Variants in GNG4 observed in about 807,000 individuals in gnomAD.
The protein encoded by GNG4 is guanine nucleotide-binding protein G(I)/G(S)/G(O) subunit gamma-4.
GNG4 carries 4 observed loss-of-function variants against 5.8 expected under a neutral mutation model. The observed-to-expected ratio is 0.69, with a 90% confidence interval of 0.34 to 1.57. The LOEUF (loss-of-function observed/expected upper bound fraction) is 1.57, where lower values mean the gene tolerates loss of function less well. Ranked by LOEUF, GNG4 falls within the 40% of genes most tolerant of loss-of-function variation. GNG4 has a pLI of 0.06. For synonymous variants in GNG4, 29 were observed against 32.9 expected (o/e 0.88, Z 0.41); for missense variants, 96 against 95.1 (o/e 1.01, Z -0.04).
chr1:235,607,500 C>T (rs1277815727), intron 1 of GNG4, among the ~76,000 whole-genome samples: 1 of 152,142 alleles, frequency 6.6e-6, no homozygotes, highest in Non-Finnish European at 1.5e-5. Context: ...GGGAGGCAGC[C>T]GCCTACAGCG....
At chr1:235,597,065 C>T (rs1447015235) in intron 1 of GNG4, among the ~76,000 whole-genome samples, 1 of 152,108 alleles carries the variant, frequency 6.6e-6, no homozygotes, top group Admixed American at 6.6e-5. Context: ...CCATTCAAGA[C>T]TCATAGCCCT....
chr1:235,556,685 G>A (rs1686918338), intron 3 of GNG4, among the ~76,000 whole-genome samples: 1 of 152,054 alleles, frequency 6.6e-6, no homozygotes, highest in South Asian at 2.1e-4. Flanking sequence ...TGAACTGGGG[G>A]TGGGGGGATG....
intron 3 of GNG4, among the ~76,000 whole-genome samples, chr1:235,573,298 G>A (rs1687390193): frequency 7.0e-6 from 1 of 142,174 alleles, no homozygotes; most frequent in Non-Finnish European, 1.5e-5. Flanking sequence ...CACAGGATAG[G>A]GAACATCACA....
At chr1:235,602,709 G>C (rs1328995922) in intron 1 of GNG4, among the ~76,000 whole-genome samples, 1 of 152,172 alleles carries the variant, frequency 6.6e-6, no homozygotes, top group East Asian at 1.9e-4. Flanking sequence ...GTGAAACTGT[G>C]TTTATTTCTA....
chr1:235,630,637 AC>A (rs1688912517), intron 1 of GNG4, among the ~76,000 whole-genome samples: 1 of 152,188 alleles, frequency 6.6e-6, no homozygotes, highest in Non-Finnish European at 1.5e-5. Flanking sequence ...CCCAGGAATG[AC>A]CAGAAAGTCA....
At chr1:235,594,991 G>C (rs1688090085) in intron 2 of GNG4, among the ~76,000 whole-genome samples, 1 of 152,220 alleles carries the variant, frequency 6.6e-6, no homozygotes, top group Admixed American at 6.5e-5. Context: ...TAAACTGCGA[G>C]TGGGGAGGAA....
chr1:235,577,997 C>A (rs993670724), intron 3 of GNG4, among the ~76,000 whole-genome samples: 1 of 152,142 alleles, frequency 6.6e-6, no homozygotes, highest in Non-Finnish European at 1.5e-5. Context: ...GACAGCTCCC[C>A]TTTCTTTCCA....
intron 3 of GNG4, among the ~76,000 whole-genome samples, chr1:235,583,520 C>T (rs1218252737): frequency 6.6e-6 from 1 of 152,174 alleles, no homozygotes; most frequent in Admixed American, 6.5e-5. Flanking sequence ...TTGGAGACTC[C>T]TTATGGAATT....
intron 1 of GNG4, among the ~76,000 whole-genome samples, chr1:235,613,121 G>A (rs1319250448): frequency 5.3e-5 from 8 of 151,832 alleles, no homozygotes; most frequent in Non-Finnish European, 1.2e-4. Flanking sequence ...AGGGGTGGGG[G>A]GGTCACAAAC....
intron 3 of GNG4, chr1:235,566,206 A>G (rs531944628): frequency 6.6e-6 from 1 of 152,476 alleles, no homozygotes; most frequent in Admixed American, 6.5e-5. Context: ...ACAGTGCTCT[A>G]AACAGGGGTC....
At chr1:235,597,590 G>C (rs12137402) in intron 1 of GNG4, among the ~76,000 whole-genome samples, 8,563 of 24,472 alleles carry the variant, frequency 0.35, 1,154 homozygotes, top group African/African-American at 0.49. Context: ...CTTGTTTGCT[G>C]TGTGTGTGTG....
At chr1:235,585,178 A>T (rs937516521) in intron 2 of GNG4, among the ~76,000 whole-genome samples, 6 of 149,592 alleles carry the variant, frequency 4.0e-5, no homozygotes, top group Non-Finnish European at 5.9e-5. Flanking sequence ...GTTGGACTCC[A>T]GACTATTCTT....
Position 235,613,469 on chromosome 1 carries a change from T to C in GNG4, c.-122-17958A>G, listed in dbSNP as rs538804729. 4.6e-5 allele frequency among the ~76,000 whole-genome samples: 7 copies of C among 152,258 alleles called. No individual in the cohort carries two copies. The East Asian group carries it at 1.4e-3, about 29-fold the overall frequency. On this transcript the variant is annotated intron_variant, in intron 1 of 3. Coordinates refer to ENST00000391854, the MANE Select transcript of GNG4 (RefSeq NM_001098722.2). ...ACAGGCAGGTTATCATGGATTATCC[T>C]AGTGGACCCTATGCAATCACAAGGG...
intron 2 of GNG4, among the ~76,000 whole-genome samples, chr1:235,587,779 GGTGT>G (rs1391934361): frequency 8.9e-5 from 9 of 101,274 alleles, no homozygotes; most frequent in Admixed American, 3.2e-4. Flanking sequence ...GTGGGGTGGG[GGTGT>G]GTGTGTGTGT....
At chr1:235,564,776 C>T (rs1007111755) in intron 3 of GNG4, among the ~76,000 whole-genome samples, 1 of 152,198 alleles carries the variant, frequency 6.6e-6, no homozygotes, top group African/African-American at 2.4e-5. Context: ...ACCTCTGCCT[C>T]CCGGGTTCAA....
At chr1:235,626,803 AC>A (rs1431575169) in intron 1 of GNG4, among the ~76,000 whole-genome samples, 1 of 151,950 alleles carries the variant, frequency 6.6e-6, no homozygotes, top group African/African-American at 2.4e-5. Flanking sequence ...TACTAAAAAT[AC>A]AAAAATTAGC....
At chr1:235,589,926 C>A (rs1048756968) in intron 2 of GNG4, among the ~76,000 whole-genome samples, 1 of 152,208 alleles carries the variant, frequency 6.6e-6, no homozygotes, top group Non-Finnish European at 1.5e-5. Context: ...TCATCTGTCA[C>A]TTGCAGCTGA....
At chr1:235,555,953 T>A (rs999636931) in intron 3 of GNG4, among the ~76,000 whole-genome samples, 1 of 152,010 alleles carries the variant, frequency 6.6e-6, no homozygotes, top group African/African-American at 2.4e-5. Context: ...CTGTAACCTC[T>A]GCCTCCTGGT....
intron 2 of GNG4, among the ~76,000 whole-genome samples, chr1:235,589,398 G>A (rs1044109682): frequency 1.3e-5 from 2 of 152,192 alleles, no homozygotes; most frequent in Admixed American, 6.5e-5. Context: ...TGGCTGCTGA[G>A]AGGAGCCACA....
Sources: gnomAD v4.1 joint callset for allele counts (sites outside exome capture counted in the v4.1 genomes callset) on GRCh38, gnomAD v4.1.1 for gene constraint, MANE v1.5 for transcripts, NCBI Gene and HGNC (gene_info 2026-07-23, HGNC 2026-07-21) for gene names.